Variants in OTOGL observed in about 807,000 individuals in gnomAD.
OTOGL encodes the protein otogelin like.
In OTOGL, 285 loss-of-function variants were observed where a neutral mutation model predicts 318.5. That is an observed-to-expected ratio of 0.89 (90% confidence interval 0.81 to 0.99). OTOGL has a LOEUF of 0.99. Among genes scored for constraint, OTOGL ranks in the 50% least tolerant of loss-of-function variants. OTOGL has a pLI of 0.00. For missense variants in OTOGL, 2,899 were observed against 2,845.6 expected (o/e 1.02, Z -0.43); for synonymous variants, 987 against 936.5 (o/e 1.05, Z -0.99).
At chr12:80,281,318 G>C (rs1205633248) in intron 26 of OTOGL, among the ~76,000 whole-genome samples, 1 of 151,786 alleles carries the variant, frequency 6.6e-6, no homozygotes, top group African/African-American at 2.4e-5. Flanking sequence ...TTGGAATGAT[G>C]TTGGTTGTGG....
At chr12:80,210,383 T>G (rs1877157180) in intron 2 of OTOGL, among the ~76,000 whole-genome samples, 1 of 152,080 alleles carries the variant, frequency 6.6e-6, no homozygotes, top group African/African-American at 2.4e-5. Context: ...ATTGCTTAAG[T>G]ATAAAAGACC....
At chr12:80,207,251 G>C (rs1357358665) in intron 1 of OTOGL, among the ~76,000 whole-genome samples, 2 of 151,902 alleles carry the variant, frequency 1.3e-5, no homozygotes, top group African/African-American at 4.8e-5. Flanking sequence ...GCCCAGGCTG[G>C]AGTGCAATGG....
intron 1 of OTOGL, chr12:80,130,979 C>T (rs1871202436): frequency 6.6e-6 from 1 of 152,162 alleles, no homozygotes; most frequent in Admixed American, 6.5e-5. Context: ...TTTACCTATT[C>T]ATTCCCCCCA....
chr12:80,279,347 A>G (rs1192891480), intron 26 of OTOGL, among the ~76,000 whole-genome samples, 181 bp downstream of exon 26: 1 of 151,464 alleles, frequency 6.6e-6, no homozygotes, highest in African/African-American at 2.4e-5. Context: ...TAATGTGGGT[A>G]TATTACATGT....
chr12:80,242,538 C>T (rs1220356002), intron 11 of OTOGL, among the ~76,000 whole-genome samples: 1 of 152,140 alleles, frequency 6.6e-6, no homozygotes, highest in Non-Finnish European at 1.5e-5. Context: ...TGATTCTCTT[C>T]ATTTCCTGTA....
chr12:80,209,507 C>T lies in OTOGL; in HGVS notation c.76C>T (p.Gln26Ter). 1 of 1,470,168 alleles carries T rather than the reference C, an allele frequency of 6.8e-7. No homozygotes were observed. 91.1% of individuals were successfully genotyped at this position (1,470,168 alleles called of 1,614,324 possible). A position where few individuals can be genotyped will look rare whatever the true frequency, so the allele number is the denominator to read the frequency against. The change falls in exon 2 of 59, where the codon CAA (glutamine) becomes TAA (stop). Residue 26 changes from glutamine to a stop codon, truncating the protein, a stop_gained. Coordinates refer to ENST00000547103, the MANE Select transcript of OTOGL (RefSeq NM_001378609.3). LOFTEE classifies it high-confidence loss of function. ...FLLHVLLFSLQEYICASSILM... is the reference protein window; with the variant it reads ...FLLHVLLFSL ...GCTTCATGTACTGCTGTTTTCATTA[C>T]AAGGTAAGAACTCAGATTAAATTTT...
intron 22 of OTOGL, among the ~76,000 whole-genome samples, chr12:80,269,536 C>T (rs1469231734): frequency 6.6e-6 from 1 of 152,158 alleles, no homozygotes; most frequent in Non-Finnish European, 1.5e-5. Context: ...TTGGCATTCT[C>T]ACAGCCTGTC....
intron 52 of OTOGL, 97 bp from the exon 53 acceptor site, chr12:80,366,477 T>C (rs533652457): frequency 3.5e-4 from 86 of 243,032 alleles, no homozygotes; most frequent in Non-Finnish European, 5.7e-4. Flanking sequence ...TGTGTGTGTG[T>C]ATATATATAT....
At chr12:80,126,855 G>A (rs1314120576) in intron 1 of OTOGL, among the ~76,000 whole-genome samples, 1 of 152,100 alleles carries the variant, frequency 6.6e-6, no homozygotes, top group Non-Finnish European at 1.5e-5. Context: ...AGAGAACTAG[G>A]ATTGCAACCC....
At chr12:80,282,380 A>T (rs1884296139) in intron 26 of OTOGL, among the ~76,000 whole-genome samples, 1 of 151,914 alleles carries the variant, frequency 6.6e-6, no homozygotes. Flanking sequence ...AACTTAAGGA[A>T]GGTTCTTGCT....
chr12:80,296,414 T>C (rs1885398537), intron 26 of OTOGL, among the ~76,000 whole-genome samples: 1 of 152,242 alleles, frequency 6.6e-6, no homozygotes. Context: ...ATTTGAATTC[T>C]AACTTATAGA....
chr12:80,310,049 G>C (rs531833587), intron 29 of OTOGL, among the ~76,000 whole-genome samples: 10 of 152,278 alleles, frequency 6.6e-5, no homozygotes, highest in African/African-American at 2.4e-4. Flanking sequence ...ACCAAATGAG[G>C]AGAGACATTT....
At chr12:80,176,198 T>A (rs994443403) in intron 1 of OTOGL, among the ~76,000 whole-genome samples, 1 of 152,206 alleles carries the variant, frequency 6.6e-6, no homozygotes, top group African/African-American at 2.4e-5. Flanking sequence ...ATTTCACGTA[T>A]ATGATACTTT....
At chr12:80,337,575 T>A (rs1888494368) in intron 42 of OTOGL, among the ~76,000 whole-genome samples, 1 of 152,114 alleles carries the variant, frequency 6.6e-6, no homozygotes, top group South Asian at 2.1e-4. Flanking sequence ...AGCCTTTTGG[T>A]TTTACAGGAA....
Position 80,370,628 on chromosome 12 carries a change from G to T in OTOGL, c.6674G>T (p.Gly2225Val), listed in dbSNP as rs764656567. 11 of 1,590,274 alleles carry T rather than the reference G, an allele frequency of 6.9e-6. No homozygotes were observed. The East Asian group carries it at 9.1e-5, about 13-fold the overall frequency. The change falls in exon 56 of 59, where the codon GGA (glycine) becomes GTA (valine). Residue 2225 changes from glycine to valine, a missense_variant. Gly to Val is a moderately radical substitution (Grantham distance 109). This residue lies in a region of OTOGL where 289 missense variants were observed against 304.6 expected (regional missense o/e 0.95). Transcript: ENST00000547103. ...TATGAATGTGTTAAAACTGATGAAG[G>T]AGCAATAATTCTGAACTACACAATG... The part of the protein sequence containing the change: ...TTYECVKTDE[G>V]AIILNYTMVC...
chr12:80,162,354 T>G (rs1417159989), intron 1 of OTOGL, among the ~76,000 whole-genome samples: 1 of 152,148 alleles, frequency 6.6e-6, no homozygotes, highest in Non-Finnish European at 1.5e-5. Context: ...AGTTTTCAAA[T>G]GTACAACTAG....
intron 3 of OTOGL, 37 bp from the exon 4 acceptor site, chr12:80,211,912 G>A: frequency 6.6e-7 from 1 of 1,512,884 alleles, no homozygotes; most frequent in African/African-American, 1.4e-5. Context: ...TTGCCTAGGG[G>A]CCTTTGACTG....
intron 32 of OTOGL, among the ~76,000 whole-genome samples, chr12:80,316,756 A>G (rs982029326): frequency 1.3e-5 from 2 of 152,192 alleles, no homozygotes; most frequent in African/African-American, 4.8e-5. Flanking sequence ...TAAAACTGTG[A>G]TGATTGTGGA....
intron 1 of OTOGL, among the ~76,000 whole-genome samples, chr12:80,174,872 C>T (rs1240358912): frequency 1.3e-5 from 2 of 151,982 alleles, no homozygotes; most frequent in Admixed American, 6.6e-5. Context: ...CTTCTCATTA[C>T]CATCGAGGTG....
Sources: allele counts gnomAD v4.1 joint callset (sites outside exome capture counted in the v4.1 genomes callset), GRCh38; gene constraint gnomAD v4.1.1; regional missense constraint gnomAD v4.1.1; transcripts MANE v1.5; gene names NCBI Gene and HGNC (gene_info 2026-07-23, HGNC 2026-07-21).